RMDN1: variants seen among roughly 807,000 people sequenced by gnomAD.
The protein encoded by RMDN1 is regulator of microtubule dynamics protein 1.
In RMDN1, 48 loss-of-function variants were observed where a neutral mutation model predicts 48.9. The observed-to-expected ratio is 0.98, with a 90% confidence interval of 0.78 to 1.25. The LOEUF (loss-of-function observed/expected upper bound fraction) is 1.25. Ranked by LOEUF, RMDN1 falls within the 50% of genes most tolerant of loss-of-function variation. RMDN1 has a pLI of 0.00. For synonymous variants in RMDN1, 148 were observed against 132.6 expected (o/e 1.12, Z -0.80); for missense variants, 418 against 373.4 (o/e 1.12, Z -0.98).
upstream of RMDN1, among the ~76,000 whole-genome samples, chr8:86,511,707 G>A (rs937155959): frequency 7.9e-5 from 12 of 152,038 alleles, no homozygotes; most frequent in Admixed American, 6.5e-4. Flanking sequence ...GCTACTGGCT[G>A]AGGTGGGAGG....
At chr8:86,511,337 G>C (rs1306979155), upstream of RMDN1, among the ~76,000 whole-genome samples, 1 of 151,384 alleles carries the variant, frequency 6.6e-6, no homozygotes, top group East Asian at 1.9e-4. Context: ...AGCCGGGTGT[G>C]GTGGCGGGTG....
downstream of RMDN1, chr8:86,472,344 C>G (rs1285258809): frequency 5.9e-6 from 4 of 680,024 alleles, no homozygotes; most frequent in Non-Finnish European, 1.1e-5. Flanking sequence ...AGGTCACAGT[C>G]AAAATGCAGG....
intron 2 of RMDN1, chr8:86,504,596 G>T: frequency 1.0e-6 from 1 of 1,001,880 alleles, no homozygotes; most frequent in Non-Finnish European, 1.6e-6. Flanking sequence ...CATATGATAG[G>T]CCTTGGAGGG....
intron 5 of RMDN1, among the ~76,000 whole-genome samples, chr8:86,484,035 T>C (rs1815029070): frequency 6.6e-6 from 1 of 152,198 alleles, no homozygotes; most frequent in Non-Finnish European, 1.5e-5. Flanking sequence ...TGTTAAAGAC[T>C]GTTACACTGG....
At chr8:86,488,452 A>G (rs1283687294) in intron 3 of RMDN1, 100 bp downstream of exon 3, 1 of 559,718 alleles carries the variant, frequency 1.8e-6, no homozygotes, top group Non-Finnish European at 3.1e-6. Context: ...AAACTACAAT[A>G]ATCAATTTTT....
intron 2 of RMDN1, among the ~76,000 whole-genome samples, chr8:86,494,335 C>G (rs780531518): frequency 6.6e-6 from 1 of 151,976 alleles, no homozygotes; most frequent in Non-Finnish European, 1.5e-5. Context: ...GTGGGCAGAT[C>G]ACTTGAGGCA....
At chr8:86,493,036 A>G (rs1372500079) in intron 2 of RMDN1, among the ~76,000 whole-genome samples, 1 of 151,764 alleles carries the variant, frequency 6.6e-6, no homozygotes, top group East Asian at 1.9e-4. Context: ...GAAGAGATAT[A>G]GGACAAAGAA....
rs1450261674 is a variant in RMDN1, at chr8:86,474,278, G to A, written c.*30C>T. On this transcript the variant is annotated 3_prime_UTR_variant, in exon 10 of 10. Transcript: ENST00000406452. ...TTAAAAGAAAAGGCAATGTTTATTAGCTATTTCATAAATCTTCTCTGAAAA... is the reference window on the plus strand; with the variant it reads ...TTAAAAGAAAAGGCAATGTTTATTAACTATTTCATAAATCTTCTCTGAAAA... 2.5e-6 allele frequency: 4 copies of A among 1,612,240 alleles called. No homozygotes were observed. The highest frequency in any genetic ancestry group is 1.7e-5 in the Admixed American group (1 of 59,910).
intron 6 of RMDN1, among the ~76,000 whole-genome samples, chr8:86,479,998 TTAATC>T (rs1339356302): frequency 6.6e-6 from 1 of 152,156 alleles, no homozygotes; most frequent in Non-Finnish European, 1.5e-5. Context: ...TATAGTTACA[TTAATC>T]TAATTTCATT....
At chr8:86,493,855 C>T (rs1228612916) in intron 2 of RMDN1, among the ~76,000 whole-genome samples, 1 of 152,086 alleles carries the variant, frequency 6.6e-6, no homozygotes, top group East Asian at 1.9e-4. Flanking sequence ...GACTTGGGTC[C>T]CATTCCTAAG....
downstream of RMDN1, chr8:86,472,324 C>G: frequency 1.5e-6 from 1 of 645,254 alleles, no homozygotes; most frequent in South Asian, 1.7e-5. Context: ...CACATCTGAC[C>G]TCACATAACA....
At chr8:86,471,137 T>G (rs1812522560), downstream of RMDN1, among the ~76,000 whole-genome samples, 1 of 148,304 alleles carries the variant, frequency 6.7e-6, no homozygotes, top group African/African-American at 2.6e-5. Flanking sequence ...GAGAGAAAGG[T>G]ACACAGGATC....
intron 2 of RMDN1, among the ~76,000 whole-genome samples, chr8:86,491,642 T>C (rs758419634): frequency 1.3e-5 from 2 of 152,206 alleles, no homozygotes; most frequent in African/African-American, 2.4e-5. Context: ...ATTTTCAACT[T>C]AATAAGCAAA....
At chr8:86,472,154 G>C (rs1364239657), downstream of RMDN1, among the ~76,000 whole-genome samples, 1 of 152,126 alleles carries the variant, frequency 6.6e-6, no homozygotes, top group East Asian at 1.9e-4. Flanking sequence ...CTTGCAATCA[G>C]TTTCAAAAGG....
At chr8:86,477,789 GTT>G (rs1813637896) in intron 7 of RMDN1, among the ~76,000 whole-genome samples, 2 of 151,402 alleles carry the variant, frequency 1.3e-5, no homozygotes, top group African/African-American at 4.9e-5. Flanking sequence ...TTAAGCTACT[GTT>G]TTTGTAATGC....
chr8:86,494,248 T>C (rs1367913455), intron 2 of RMDN1, among the ~76,000 whole-genome samples: 2 of 152,182 alleles, frequency 1.3e-5, no homozygotes, highest in East Asian at 3.9e-4. Flanking sequence ...AAGAGAATGC[T>C]GGAAAGTGGC....
intron 5 of RMDN1, among the ~76,000 whole-genome samples, chr8:86,483,768 C>T (rs191927741): frequency 2.0e-5 from 3 of 151,170 alleles, no homozygotes; most frequent in Admixed American, 6.6e-5. Context: ...ATGTTTCCAT[C>T]ATTTTTCCTT....
intron 2 of RMDN1, among the ~76,000 whole-genome samples, chr8:86,503,375 A>AAAAAC (rs1818657181): frequency 2.3e-5 from 2 of 87,184 alleles, no homozygotes; most frequent in Non-Finnish European, 4.0e-5. Flanking sequence ...ACAAAACAAA[A>AAAAAC]AAAAAAAAAA....
At position 86,488,485 on chromosome 8, in the gene RMDN1, A is replaced by G. The variant is rs1460675280; in HGVS notation, c.335+67T>C. 3.3e-6 allele frequency: 3 copies of G among 902,986 alleles called. No individual in the cohort carries two copies. The East Asian group carries it at 8.0e-5, about 24-fold the overall frequency. 55.9% of individuals were successfully genotyped at this position (902,986 alleles called of 1,614,324 possible). A position where few individuals can be genotyped will look rare whatever the true frequency, so the allele number is the denominator to read the frequency against. On this transcript the variant is annotated intron_variant, in intron 3 of 9. Transcript: ENST00000406452. ...TTTAAAACCTCAAGCACTAAGGGTC[A>G]TTTTAATTGTTAAATAACAAAAATT... is the stretch of plus-strand genomic sequence containing the variant.
Sources: allele counts gnomAD v4.1 joint callset (sites outside exome capture counted in the v4.1 genomes callset), GRCh38; gene constraint gnomAD v4.1.1; transcripts MANE v1.5; gene names NCBI Gene and HGNC (gene_info 2026-07-23, HGNC 2026-07-21).